STXBP5L: variants seen among roughly 807,000 people sequenced by gnomAD.
STXBP5L encodes syntaxin-binding protein 5-like.
Under a neutral mutation model 144.5 loss-of-function variants are expected in STXBP5L, and 65 were observed. The observed-to-expected ratio is 0.45, with a 90% CI of 0.37 to 0.55. The LOEUF (loss-of-function observed/expected upper bound fraction) is 0.55. STXBP5L is among the 20% of genes least tolerant of loss of function. The pLI is 0.00. For synonymous variants in STXBP5L, 505 were observed against 469.6 expected (o/e 1.08, Z -0.97); for missense variants, 1,298 against 1,405.5 (o/e 0.92, Z 1.22).
chr3:121,017,834 T>C (rs1945250256), intron 3 of STXBP5L, among the ~76,000 whole-genome samples: 1 of 152,044 alleles, frequency 6.6e-6, no homozygotes, highest in African/African-American at 2.4e-5. Context: ...CACAACATTT[T>C]GGGAGGCTGA....
chr3:121,092,021 A>G (rs1187391564), intron 5 of STXBP5L, among the ~76,000 whole-genome samples: 1 of 152,112 alleles, frequency 6.6e-6, no homozygotes, highest in Admixed American at 6.6e-5. Flanking sequence ...AGCACCGTTT[A>G]TTAAATAGGG....
At chr3:121,158,126 G>A (rs2046185612) in intron 9 of STXBP5L, 2 of 152,436 alleles carry the variant, frequency 1.3e-5, no homozygotes, top group Non-Finnish European at 2.9e-5. Context: ...CTTCCACATT[G>A]AGAAGAGCAT....
intron 22 of STXBP5L, among the ~76,000 whole-genome samples, chr3:121,387,646 A>G (rs1382656314): frequency 6.6e-6 from 1 of 152,228 alleles, no homozygotes; most frequent in Non-Finnish European, 1.5e-5. Flanking sequence ...TCCCAGAACC[A>G]TTTATTAAAT....
chr3:121,411,504 A>G (rs920914816), intron 23 of STXBP5L, among the ~76,000 whole-genome samples: 2 of 152,130 alleles, frequency 1.3e-5, no homozygotes, highest in East Asian at 3.9e-4. Context: ...GGTTTTCTTC[A>G]GTGGTTTGTA....
intron 3 of STXBP5L, among the ~76,000 whole-genome samples, chr3:121,039,521 A>G (rs73187432): frequency 1.1e-3 from 162 of 152,014 alleles, no homozygotes; most frequent in Non-Finnish European, 1.7e-3. Context: ...CCATATATTT[A>G]TCATTTTAAA....
At chr3:120,915,805 A>T (rs1709073426) in intron 2 of STXBP5L, among the ~76,000 whole-genome samples, 1 of 152,146 alleles carries the variant, frequency 6.6e-6, no homozygotes, top group Non-Finnish European at 1.5e-5. Context: ...AATAGAAATA[A>T]CATTTAAAGG....
At chr3:121,199,933 C>A (rs2048073247) in intron 9 of STXBP5L, among the ~76,000 whole-genome samples, 1 of 151,642 alleles carries the variant, frequency 6.6e-6, no homozygotes. Flanking sequence ...GGGATATTGG[C>A]CTGAAATTTT....
At chr3:120,968,829 T>G (rs929223066) in intron 3 of STXBP5L, among the ~76,000 whole-genome samples, 4 of 152,190 alleles carry the variant, frequency 2.6e-5, no homozygotes, top group Admixed American at 1.3e-4. Flanking sequence ...GTTACTTCAC[T>G]TAGAATAATG....
chr3:121,161,973 TATG>T (rs2046337796), intron 9 of STXBP5L, among the ~76,000 whole-genome samples: 1 of 152,160 alleles, frequency 6.6e-6, no homozygotes, highest in African/African-American at 2.4e-5. Context: ...TTTAGTTTCT[TATG>T]ATGCAATTAG....
intron 5 of STXBP5L, among the ~76,000 whole-genome samples, chr3:121,054,822 G>A (rs1056266470): frequency 2.0e-5 from 3 of 151,938 alleles, no homozygotes; most frequent in Admixed American, 2.0e-4. Context: ...TCACCATATT[G>A]ATTTTATCTT....
chr3:121,080,870 A>T (rs1190430681), intron 5 of STXBP5L, among the ~76,000 whole-genome samples: 1 of 152,158 alleles, frequency 6.6e-6, no homozygotes, highest in African/African-American at 2.4e-5. Flanking sequence ...TGAATTTCCC[A>T]TAAGTTATTT....
chr3:120,920,050 A>G (rs1464626553), intron 2 of STXBP5L, among the ~76,000 whole-genome samples: 3 of 151,820 alleles, frequency 2.0e-5, no homozygotes, highest in Non-Finnish European at 3.0e-5. Context: ...GCTTTATTCT[A>G]AAATAAAAGA....
At chr3:121,311,033 T>A (rs947512884) in intron 19 of STXBP5L, among the ~76,000 whole-genome samples, 1 of 152,146 alleles carries the variant, frequency 6.6e-6, no homozygotes, top group African/African-American at 2.4e-5. Context: ...TACTACTACA[T>A]AACACAAATA....
intron 3 of STXBP5L, among the ~76,000 whole-genome samples, chr3:120,957,139 G>C (rs2107712476): frequency 6.6e-6 from 1 of 151,948 alleles, no homozygotes; most frequent in South Asian, 2.1e-4. Context: ...TACATGTTAG[G>C]GTTTGTTTGT....
At chr3:120,908,761 G>A (rs1323271697) in intron 1 of STXBP5L, among the ~76,000 whole-genome samples, 2 of 151,462 alleles carry the variant, frequency 1.3e-5, no homozygotes, top group Admixed American at 6.6e-5. Flanking sequence ...CGGCGGGCGG[G>A]CGAACAGGCG....
chr3:121,363,505 G>T (rs2045775546), intron 20 of STXBP5L, among the ~76,000 whole-genome samples: 1 of 152,072 alleles, frequency 6.6e-6, no homozygotes, highest in African/African-American at 2.4e-5. Context: ...AGCTGAGTTT[G>T]GTTTAGTTTA....
chr3:121,004,183 C>T (rs898844359), intron 3 of STXBP5L, among the ~76,000 whole-genome samples: 1 of 152,212 alleles, frequency 6.6e-6, no homozygotes, highest in African/African-American at 2.4e-5. Context: ...TACCCATGAT[C>T]ATGGAATGTT....
At chr3:120,934,657 C>G (rs753613663) in intron 2 of STXBP5L, among the ~76,000 whole-genome samples, 1 of 151,946 alleles carries the variant, frequency 6.6e-6, no homozygotes, top group African/African-American at 2.4e-5. Flanking sequence ...TTTTGCTTTA[C>G]GTATTTTGAT....
At chr3:120,910,623 A>G (rs16831962) in intron 2 of STXBP5L, among the ~76,000 whole-genome samples, 15,108 of 152,172 alleles carry the variant, frequency 0.099, 1,182 homozygotes, top group Admixed American at 0.2. Flanking sequence ...GTTTGGCTAC[A>G]TAAGAAATAG....
Sources: gnomAD v4.1 joint callset for allele counts (sites outside exome capture counted in the v4.1 genomes callset) on GRCh38, gnomAD v4.1.1 for gene constraint, MANE v1.5 for transcripts, NCBI Gene and HGNC (gene_info 2026-07-23, HGNC 2026-07-21) for gene names.